Variants in ATP8B4 observed in about 807,000 individuals in gnomAD.
ATP8B4 encodes ATPase phospholipid transporting 8B4 (putative).
A neutral mutation model predicts 145.6 loss-of-function variants in ATP8B4; 133 were observed. The observed-to-expected ratio is 0.91, with a 90% CI of 0.79 to 1.05. ATP8B4 has a LOEUF of 1.05. Ranked by LOEUF, ATP8B4 falls within the 50% of genes least tolerant of loss-of-function variation. ATP8B4 has a pLI of 0.00. For synonymous variants in ATP8B4, 507 were observed against 492.9 expected (o/e 1.03, Z -0.38); for missense variants, 1,458 against 1,425.2 (o/e 1.02, Z -0.37).
chr15:50,065,776 G>C (rs996698497), intron 3 of ATP8B4, among the ~76,000 whole-genome samples: 1 of 151,970 alleles, frequency 6.6e-6, no homozygotes, highest in Non-Finnish European at 1.5e-5. Context: ...TACCATTGCA[G>C]TGAAGAAAGT....
chr15:50,146,529 G>C (rs1249684723), intron 1 of ATP8B4, among the ~76,000 whole-genome samples: 1 of 152,166 alleles, frequency 6.6e-6, no homozygotes, highest in Non-Finnish European at 1.5e-5. Flanking sequence ...AACTTTACCT[G>C]GTAAGGTAAG....
At chr15:50,168,784 C>G (rs2044629516) in intron 1 of ATP8B4, among the ~76,000 whole-genome samples, 1 of 152,164 alleles carries the variant, frequency 6.6e-6, no homozygotes, top group Admixed American at 6.5e-5. Flanking sequence ...AAGCCTCAGG[C>G]AACTTTTCAA....
chr15:49,884,933 C>A (rs1017118666), intron 23 of ATP8B4, among the ~76,000 whole-genome samples: 1 of 152,176 alleles, frequency 6.6e-6, no homozygotes, highest in African/African-American at 2.4e-5. Flanking sequence ...CCAAAACCAC[C>A]CCCACTGGTC....
intron 1 of ATP8B4, among the ~76,000 whole-genome samples, chr15:50,173,203 A>G (rs1207139018): frequency 6.6e-6 from 1 of 152,228 alleles, no homozygotes; most frequent in Non-Finnish European, 1.5e-5. Context: ...TGTACCCAAC[A>G]GCTCATTGAG....
At chr15:49,908,652 A>G (rs1156596768) in intron 20 of ATP8B4, among the ~76,000 whole-genome samples, 2 of 152,096 alleles carry the variant, frequency 1.3e-5, no homozygotes, top group African/African-American at 2.4e-5. Flanking sequence ...AAATGACAGC[A>G]AAGTGTCATT....
At chr15:50,029,248 A>AAAAAC (rs1365896493) in intron 6 of ATP8B4, among the ~76,000 whole-genome samples, 5 of 150,984 alleles carry the variant, frequency 3.3e-5, no homozygotes, top group Admixed American at 1.3e-4. Context: ...TAAAAAAAAA[A>AAAAAC]AAAAAAAAAC....
At chr15:49,865,948 TATGGGTGA>T (rs1282875563) in intron 26 of ATP8B4, among the ~76,000 whole-genome samples, 1 of 152,232 alleles carries the variant, frequency 6.6e-6, no homozygotes, top group Non-Finnish European at 1.5e-5. Flanking sequence ...AAATAAGTTC[TATGGGTGA>T]ATTTTGGCAG....
upstream of ATP8B4, among the ~76,000 whole-genome samples, chr15:50,121,732 G>C (rs1424009117): frequency 1.3e-5 from 2 of 151,942 alleles, no homozygotes; most frequent in Admixed American, 6.6e-5. Flanking sequence ...ATCCCTATTA[G>C]GCAGTATGTG....
chr15:50,000,529 AT>A (rs1236343179), intron 8 of ATP8B4, among the ~76,000 whole-genome samples: 3 of 152,030 alleles, frequency 2.0e-5, no homozygotes, highest in Admixed American at 6.6e-5. Flanking sequence ...TCATTTGCCC[AT>A]TTTCAAATGG....
intron 12 of ATP8B4, among the ~76,000 whole-genome samples, chr15:49,975,906 A>G (rs1203885357): frequency 6.6e-6 from 1 of 152,172 alleles, no homozygotes; most frequent in East Asian, 1.9e-4. Flanking sequence ...GAAAATAGTT[A>G]CGGTAATAGC....
At chr15:49,979,860 T>C in intron 11 of ATP8B4, 47 bp from the exon 12 acceptor site, 1 of 1,361,418 alleles carries the variant, frequency 7.3e-7, no homozygotes, top group Non-Finnish European at 1.0e-6. Context: ...AACTCAAAAT[T>C]AGTCATATCA....
At chr15:50,000,068 G>A (rs2047762262) in intron 8 of ATP8B4, among the ~76,000 whole-genome samples, 1 of 152,086 alleles carries the variant, frequency 6.6e-6, no homozygotes, top group Non-Finnish European at 1.5e-5. Flanking sequence ...CCATGGTATG[G>A]ATGTACCACA....
chr15:49,964,277 G>T (rs1347873123), intron 13 of ATP8B4, among the ~76,000 whole-genome samples: 3 of 151,912 alleles, frequency 2.0e-5, no homozygotes, highest in Non-Finnish European at 2.9e-5. Flanking sequence ...ACTGTGTTAT[G>T]CTCTAGTGGT....
chr15:50,088,411 C>T (rs1239615867), intron 2 of ATP8B4, among the ~76,000 whole-genome samples: 1 of 152,006 alleles, frequency 6.6e-6, no homozygotes, highest in Non-Finnish European at 1.5e-5. Flanking sequence ...CACTGTCCCC[C>T]ATCTTCATTC....
rs75737947 is a variant in ATP8B4, at chr15:49,876,468, A to G, written c.2837T>C (p.Leu946Pro). The G allele has an allele frequency of 2.8e-4, 447 of 1,614,122 alleles. 4 individuals carry two copies. The East Asian group carries it at 9.8e-3, about 35-fold the overall frequency. ...DCPQLYKPGQ[L>P]NLLFNKRKFF... ...TTTACGCTTGTTAAAAAGCAGATTC[A>G]GCTGTCCTGGTTTGTAGAGCTGGGG... Residue 946 changes from leucine to proline, a missense_variant, in exon 25 of 28, where the codon CTG becomes CCG. Transcript: ENST00000284509.
intron 20 of ATP8B4, among the ~76,000 whole-genome samples, chr15:49,906,251 TA>T (rs1266755352): frequency 6.6e-6 from 1 of 152,242 alleles, no homozygotes; most frequent in East Asian, 1.9e-4. Context: ...TTTGTTCACT[TA>T]TTTTCTTAAG....
At chr15:49,946,083 T>A (rs2042539883) in intron 14 of ATP8B4, among the ~76,000 whole-genome samples, 2 of 152,190 alleles carry the variant, frequency 1.3e-5, no homozygotes, top group Admixed American at 1.3e-4. Context: ...GATGATGCTA[T>A]CTTACATATC....
At chr15:49,860,508 C>T (rs906507764) in intron 27 of ATP8B4, 33 bp from the exon 28 acceptor site, 4 of 1,561,420 alleles carry the variant, frequency 2.6e-6, no homozygotes, top group Non-Finnish European at 3.5e-6. Flanking sequence ...TGAGATGATG[C>T]ATCCAAATGA....
intron 25 of ATP8B4, among the ~76,000 whole-genome samples, chr15:49,871,626 AC>A (rs774837283): frequency 8.5e-5 from 13 of 152,220 alleles, no homozygotes; most frequent in Non-Finnish European, 1.8e-4. Flanking sequence ...GGTGGATAAC[AC>A]AACCAAATTA....
Sources: gnomAD v4.1 joint callset for allele counts (sites outside exome capture counted in the v4.1 genomes callset) on GRCh38, gnomAD v4.1.1 for gene constraint, MANE v1.5 for transcripts, NCBI Gene and HGNC (gene_info 2026-07-23, HGNC 2026-07-21) for gene names.